Variants in TRPC6 observed in about 807,000 individuals in gnomAD.
The protein encoded by TRPC6 is transient receptor potential cation channel subfamily C member 6, also known as short transient receptor potential channel 6.
TRPC6 carries 55 observed loss-of-function variants against 90.7 expected under a neutral mutation model. That is an observed-to-expected ratio of 0.61 (90% confidence interval 0.49 to 0.76). The LOEUF (loss-of-function observed/expected upper bound fraction) is 0.76, where lower values mean the gene tolerates loss of function less well. TRPC6 is among the 30% of genes least tolerant of loss of function. The probability of loss-of-function intolerance (pLI) is 0.00; values close to 1 mark genes in which losing one functional copy is unlikely to be tolerated. For missense variants in TRPC6, 989 were observed against 1,122.7 expected, an observed-to-expected ratio of 0.88 and a Z score of 1.70; for synonymous variants, 393 against 393.0, an observed-to-expected ratio of 1.00 and a Z score of 0.00.
Position 101,454,831 on chromosome 11 carries a change from AT to A in TRPC6, c.2568+186del, listed in dbSNP as rs11301008. 0.32 allele frequency among the ~76,000 whole-genome samples: 48,964 copies of A among 151,404 alleles called. 10,593 individuals carry two copies. The highest frequency in any genetic ancestry group is 0.62 in the African/African-American group (25,600 of 41,270). On this transcript the variant is annotated intron_variant, in intron 11 of 12. Transcript: ENST00000344327. ...TTCAGATCTGTGATTCCAATACTTT[AT>A]TTTTTTTAACTTATATATCTCTGTC...
intron 1 of TRPC6, among the ~76,000 whole-genome samples, chr11:101,513,870 G>A (rs1860453955): frequency 6.6e-6 from 1 of 152,156 alleles, no homozygotes; most frequent in Non-Finnish European, 1.5e-5. Flanking sequence ...AGCTGAAGCT[G>A]CTGATTCCCA....
Position 101,473,784 on chromosome 11 carries a change from G to A in TRPC6, c.1745-11C>T, listed in dbSNP as rs200875730. 1.2e-6 allele frequency: 2 copies of A among 1,613,432 alleles called. No homozygotes were observed. Among genetic ancestry groups the A allele is most frequent in the Non-Finnish European group, 1.7e-6 (2 of 1,179,564 alleles). ...CCCACTTTATCCTGGCTAGGAAAAA[G>A]CAAAGACAAAGAGTTGTGTGAGTTT... is the stretch of plus-strand genomic sequence containing the variant. On this transcript the variant is annotated splice_polypyrimidine_tract_variant and intron_variant, in intron 6 of 12. Transcript: ENST00000344327.
chr11:101,516,945 A>G (rs931998169), intron 1 of TRPC6, among the ~76,000 whole-genome samples: 3 of 152,268 alleles, frequency 2.0e-5, no homozygotes. Context: ...AAGGCTGTCA[A>G]TCAAGGTTTT....
intron 1 of TRPC6, among the ~76,000 whole-genome samples, chr11:101,538,647 T>A (rs180713188): frequency 6.6e-6 from 1 of 152,182 alleles, no homozygotes; most frequent in Admixed American, 6.5e-5. Context: ...TCTAATCACA[T>A]GAGCCCTTAA....
intron 1 of TRPC6, among the ~76,000 whole-genome samples, chr11:101,528,061 A>G (rs1435866651): frequency 6.6e-6 from 1 of 152,154 alleles, no homozygotes; most frequent in Non-Finnish European, 1.5e-5. Context: ...TGACAGAGTG[A>G]GACTCCATCT....
At chr11:101,579,901 G>A (rs542847418) in intron 1 of TRPC6, among the ~76,000 whole-genome samples, 10 of 152,168 alleles carry the variant, frequency 6.6e-5, no homozygotes, top group South Asian at 4.1e-4. Flanking sequence ...TCACTGGGAC[G>A]CATAACTCAC....
chr11:101,524,670 C>G (rs947795597), intron 1 of TRPC6, among the ~76,000 whole-genome samples: 2 of 152,200 alleles, frequency 1.3e-5, no homozygotes, highest in African/African-American at 4.8e-5. Context: ...CAATATTCCC[C>G]ATTTATCAAA....
At chr11:101,551,301 C>T (rs927414412) in intron 1 of TRPC6, among the ~76,000 whole-genome samples, 4 of 151,860 alleles carry the variant, frequency 2.6e-5, no homozygotes, top group Admixed American at 2.6e-4. Context: ...TTATTAACTG[C>T]AACCATAAAG....
intron 10 of TRPC6, among the ~76,000 whole-genome samples, chr11:101,462,524 A>G (rs1461544181): frequency 6.6e-6 from 1 of 152,136 alleles, no homozygotes; most frequent in Non-Finnish European, 1.5e-5. Context: ...GAGGTCCTTC[A>G]CATCCCTTGT....
intron 1 of TRPC6, among the ~76,000 whole-genome samples, chr11:101,542,731 C>T (rs925520341): frequency 1.3e-5 from 2 of 151,554 alleles, no homozygotes; most frequent in African/African-American, 4.8e-5. Flanking sequence ...TTTATATAAT[C>T]TATTATGCAT....
chr11:101,469,510 G>C lies in TRPC6; in HGVS notation c.2410-9C>G, dbSNP rs781773938. On this transcript the variant is annotated splice_polypyrimidine_tract_variant and intron_variant, in intron 9 of 12. Transcript: ENST00000344327. ...TTCTTTTCTTCATTTATCTTTTAAA[G>C]ATAGATAGTAAAATGAGTATAACTG... 5.3e-6 allele frequency: 4 copies of C among 752,286 alleles called. No individual in the cohort carries two copies. The highest frequency in any genetic ancestry group is 1.7e-5 in the African/African-American group (1 of 58,498). 46.6% of individuals were successfully genotyped at this position (752,286 alleles called of 1,614,324 possible). A position where few individuals can be genotyped will look rare whatever the true frequency, so the allele number is the denominator to read the frequency against.
In TRPC6 at chr11:101,452,491, G is replaced by A. The variant is rs543883909; in HGVS notation, c.*464C>T. 1.7e-5 allele frequency: 3 copies of A among 173,374 alleles called. No homozygotes were observed. Among genetic ancestry groups the A allele is most frequent in the African/African-American group, 7.2e-5 (3 of 41,826 alleles). The allele number at this position is 173,374 out of a possible 1,614,324, so 10.7% of individuals were successfully genotyped here. A position where few individuals can be genotyped will look rare whatever the true frequency, so the allele number is the denominator to read the frequency against. ...ACAGCATTCTAAAGAAAGGATTAAA[G>A]CATTCTAAAGGCCCATGGGCTACTT... On this transcript the variant is annotated 3_prime_UTR_variant, in exon 13 of 13. Coordinates refer to ENST00000344327, the MANE Select transcript of TRPC6 (RefSeq NM_004621.6).
chr11:101,526,777 T>C (rs1243666293), intron 1 of TRPC6, among the ~76,000 whole-genome samples: 1 of 140,304 alleles, frequency 7.1e-6, no homozygotes, highest in Non-Finnish European at 1.5e-5. Flanking sequence ...GGCAGGAGAA[T>C]CTCGTCAACC....
At chr11:101,572,271 A>C (rs1326374427) in intron 1 of TRPC6, among the ~76,000 whole-genome samples, 1 of 150,062 alleles carries the variant, frequency 6.7e-6, no homozygotes, top group African/African-American at 2.4e-5. Flanking sequence ...TATGAAAAAA[A>C]AACTCATTAG....
chr11:101,500,055 A>G lies in TRPC6; in HGVS notation c.945+3969T>C, dbSNP rs71462691. On this transcript the variant is annotated intron_variant, in intron 2 of 12. Transcript: ENST00000344327. ...TGTGTATATATATACAATATAAAAT[A>G]TGTGTGTGTGTATATATATATATAC... Among the ~76,000 whole-genome samples, 183 of 42,486 alleles carry G rather than the reference A, an allele frequency of 4.3e-3. 62 individuals carry two copies. The highest frequency in any genetic ancestry group is 0.017 in the African/African-American group (129 of 7,390). The allele number at this position is 42,486 out of a possible 152,430, so 27.9% of individuals were successfully genotyped here. A position where few individuals can be genotyped will look rare whatever the true frequency, so the allele number is the denominator to read the frequency against.
intron 5 of TRPC6, among the ~76,000 whole-genome samples, chr11:101,478,123 T>C (rs537547111): frequency 6.6e-6 from 1 of 152,184 alleles, no homozygotes. Context: ...AAACCTGCTA[T>C]GTGAATAGCT....
At chr11:101,570,546 C>A (rs1230157539) in intron 1 of TRPC6, among the ~76,000 whole-genome samples, 1 of 152,164 alleles carries the variant, frequency 6.6e-6, no homozygotes, top group African/African-American at 2.4e-5. Context: ...ATCCTGATAC[C>A]AACACCTGGC....
At chr11:101,559,077 C>T (rs1861652477) in intron 1 of TRPC6, among the ~76,000 whole-genome samples, 1 of 151,972 alleles carries the variant, frequency 6.6e-6, no homozygotes. Flanking sequence ...AGTACAGAGA[C>T]AATCTATGAA....
chr11:101,471,247 T>C lies in TRPC6; in HGVS notation c.2345A>G (p.Lys782Arg), dbSNP rs200319221. ...GCCCTGGAACAGCTCAGAAATCCAT[T>C]TTTTAAGCTTCAGTAAGAGATAAAA... ...SLFYLLLKLK[K>R]WISELFQGHK... The change falls in exon 9 of 13, where the codon AAA becomes AGA. Residue 782 changes from lysine to arginine, a missense_variant. Around this residue, in one of 4 missense-constraint regions of TRPC6, gnomAD observed 191 missense variants for 196.7 expected, o/e 0.97. Coordinates refer to ENST00000344327, the MANE Select transcript of TRPC6 (RefSeq NM_004621.6). 6.2e-7 allele frequency: 1 copy of C among 1,614,006 alleles called. No homozygotes were observed.
Sources: gnomAD v4.1 joint callset for allele counts (sites outside exome capture counted in the v4.1 genomes callset) on GRCh38, gnomAD v4.1.1 for gene constraint, gnomAD v4.1.1 regional missense constraint, MANE v1.5 for transcripts, NCBI Gene and HGNC (gene_info 2026-07-23, HGNC 2026-07-21) for gene names.